RGS6: variants seen among roughly 807,000 people sequenced by gnomAD.
RGS6 encodes regulator of G-protein signaling 6.
Under a neutral mutation model 78.5 loss-of-function variants are expected in RGS6, and 30 were observed. That is an observed-to-expected ratio of 0.38 (90% confidence interval 0.29 to 0.52). RGS6 has a LOEUF of 0.52. Among genes scored for constraint, RGS6 ranks in the 20% least tolerant of loss-of-function variants. The pLI, the probability that RGS6 is intolerant of heterozygous loss-of-function variation, is 0.85. For synonymous variants in RGS6, 206 were observed against 206.0 expected (o/e 1.00, Z 0.00); for missense variants, 495 against 609.7 (o/e 0.81, Z 1.98).
chr14:72,186,276 A>G (rs1291853491), intron 2 of RGS6, among the ~76,000 whole-genome samples: 1 of 152,180 alleles, frequency 6.6e-6, no homozygotes, highest in Non-Finnish European at 1.5e-5. Context: ...GACCTATGTT[A>G]TTTCTAAGTG....
intron 2 of RGS6, among the ~76,000 whole-genome samples, chr14:72,145,735 G>T (rs2096599075): frequency 1.3e-5 from 2 of 152,082 alleles, no homozygotes; most frequent in Non-Finnish European, 2.9e-5. Context: ...CACCTGCCTT[G>T]GCCTCCCAAA....
At chr14:72,002,578 A>G (rs1051485630) in intron 2 of RGS6, among the ~76,000 whole-genome samples, 1 of 149,064 alleles carries the variant, frequency 6.7e-6, no homozygotes, top group East Asian at 2.0e-4. Flanking sequence ...AAGGGTATGC[A>G]TTGAGGCAAG....
At chr14:71,937,328 AC>A (rs2089635063) in intron 1 of RGS6, among the ~76,000 whole-genome samples, 1 of 152,162 alleles carries the variant, frequency 6.6e-6, no homozygotes, top group African/African-American at 2.4e-5. Context: ...TGTCTTGGGA[AC>A]AGGAAGCAAA....
At chr14:72,478,211 G>A (rs140624463) in intron 11 of RGS6, 57 bp from the exon 12 acceptor site, 173 of 1,332,122 alleles carry the variant, frequency 1.3e-4, no homozygotes, top group East Asian at 1.2e-3. Context: ...TTTGTGGAGC[G>A]AGGGGAAAAA....
intron 3 of RGS6, among the ~76,000 whole-genome samples, chr14:72,392,389 A>G (rs916893884): frequency 2.0e-5 from 3 of 151,794 alleles, no homozygotes; most frequent in South Asian, 2.1e-4. Context: ...CACACACAGA[A>G]CCCATGAAGA....
At chr14:72,577,649 A>G in the RGS6 span, among the ~76,000 whole-genome samples, 5 of 152,232 alleles carry the variant, frequency 3.3e-5, no homozygotes, top group Non-Finnish European at 7.3e-5. Flanking sequence ...CCAGGTCCAC[A>G]TGCTGCTGGA....
In RGS6 at chr14:71,932,527, A is replaced by C. The variant is rs941745014; in HGVS notation, c.-435A>C. ...CGTTCCTACAGCCGCCGGAGCCGCC[A>C]GGCGCCGAGGGAACGGACAGACCTC... On this transcript the variant is annotated 5_prime_UTR_variant, in exon 1 of 18. Transcript: ENST00000553525. The C allele has an allele frequency of 6.6e-6, 1 of 152,046 alleles. No individual in the cohort carries two copies. Among genetic ancestry groups the C allele is most frequent in the Non-Finnish European group, 1.5e-5 (1 of 68,004 alleles). 9.4% of individuals were successfully genotyped at this position (152,046 alleles called of 1,614,324 possible). A position where few individuals can be genotyped will look rare whatever the true frequency, so the allele number is the denominator to read the frequency against.
chr14:72,392,571 C>G (rs992973452), intron 3 of RGS6, among the ~76,000 whole-genome samples: 2 of 152,166 alleles, frequency 1.3e-5, no homozygotes, highest in Non-Finnish European at 2.9e-5. Context: ...ACTGCCCCAC[C>G]CAGCAACATG....
intron 3 of RGS6, among the ~76,000 whole-genome samples, chr14:72,395,512 A>C (rs995067977): frequency 1.3e-5 from 2 of 151,990 alleles, no homozygotes; most frequent in South Asian, 2.1e-4. Flanking sequence ...CCCTCATATA[A>C]TTTTTTTTAC....
intron 2 of RGS6, among the ~76,000 whole-genome samples, chr14:72,154,212 G>A (rs1189679304): frequency 6.6e-6 from 1 of 152,094 alleles, no homozygotes; most frequent in African/African-American, 2.4e-5. Flanking sequence ...AGACCTTATG[G>A]TTGTCTTCCC....
intron 2 of RGS6, among the ~76,000 whole-genome samples, chr14:72,236,308 T>A (rs1304055769): frequency 6.6e-6 from 1 of 152,188 alleles, no homozygotes; most frequent in Non-Finnish European, 1.5e-5. Context: ...TTATTTTTGG[T>A]GTATTTTAAA....
In RGS6 at chr14:72,160,885, A is replaced by G. The variant is rs533775462; in HGVS notation, c.85-191210A>G. ...TTATTATGATAGCCCTACCAAACTA[A>G]TACAACCACCTACTTTTTAGAATTT... On this transcript the variant is annotated intron_variant, in intron 2 of 17. Transcript: ENST00000553525. 2.0e-5 allele frequency among the ~76,000 whole-genome samples: 3 copies of G among 152,354 alleles called. No homozygotes were observed. In the South Asian group the frequency reaches 6.2e-4, roughly 32 times the overall value.
chr14:72,479,846 G>C (rs984937625), intron 12 of RGS6, among the ~76,000 whole-genome samples: 1 of 152,188 alleles, frequency 6.6e-6, no homozygotes, highest in South Asian at 2.1e-4. Flanking sequence ...GAGGAACCAC[G>C]AGCTTCTTTC....
intron 2 of RGS6, among the ~76,000 whole-genome samples, chr14:72,085,853 CAA>C (rs35951230): frequency 0.055 from 3,957 of 72,466 alleles, 33 homozygotes; most frequent in African/African-American, 0.11. Flanking sequence ...GACACCATCT[CAA>C]AAAAAAAAAA....
intron 2 of RGS6, among the ~76,000 whole-genome samples, chr14:72,221,898 C>A (rs1404873654): frequency 6.6e-6 from 1 of 152,140 alleles, no homozygotes; most frequent in African/African-American, 2.4e-5. Flanking sequence ...TTTGCAGCTC[C>A]ATGGGAAGAA....
chr14:72,363,897 A>C (rs1316042981), intron 3 of RGS6, among the ~76,000 whole-genome samples: 2 of 150,878 alleles, frequency 1.3e-5, no homozygotes, highest in Non-Finnish European at 3.0e-5. Flanking sequence ...CCAACACAGG[A>C]GACAATAGCC....
At chr14:72,463,935 C>G (rs978800761) in intron 6 of RGS6, among the ~76,000 whole-genome samples, 1 of 152,162 alleles carries the variant, frequency 6.6e-6, no homozygotes, top group Admixed American at 6.5e-5. Flanking sequence ...ACGACATATG[C>G]ACACCTTAAG....
chr14:72,303,369 C>T (rs923319650), intron 2 of RGS6, among the ~76,000 whole-genome samples: 31 of 152,238 alleles, frequency 2.0e-4, no homozygotes, highest in African/African-American at 7.5e-4. Flanking sequence ...GGAGTGATGG[C>T]ATGTGCCTAT....
intron 2 of RGS6, among the ~76,000 whole-genome samples, chr14:72,333,908 T>C (rs539928567): frequency 2.6e-5 from 4 of 152,304 alleles, no homozygotes; most frequent in African/African-American, 7.2e-5. Context: ...CCATTAAATC[T>C]CTGCATCCCC....
Sources: allele counts gnomAD v4.1 joint callset (sites outside exome capture counted in the v4.1 genomes callset), GRCh38; gene constraint gnomAD v4.1.1; transcripts MANE v1.5; gene names NCBI Gene and HGNC (gene_info 2026-07-23, HGNC 2026-07-21).